Variants in KCNIP4 observed in about 807,000 individuals in gnomAD.
The protein encoded by KCNIP4 is Kv channel-interacting protein 4.
In KCNIP4, 12 loss-of-function variants were observed where a neutral mutation model predicts 34.0. The ratio of observed to expected loss-of-function variants is 0.35; its 90% CI spans 0.23 to 0.57. The LOEUF (loss-of-function observed/expected upper bound fraction) is 0.57. KCNIP4 is among the 20% of genes least tolerant of loss of function. The probability of loss-of-function intolerance (pLI) is 0.83; values close to 1 mark genes in which losing one functional copy is unlikely to be tolerated. For synonymous variants in KCNIP4, 124 were observed against 102.2 expected (o/e 1.21, Z -1.29); for missense variants, 238 against 311.7 (o/e 0.76, Z 1.78).
chr4:21,130,407 T>C (rs1750974278), intron 1 of KCNIP4, among the ~76,000 whole-genome samples: 1 of 152,198 alleles, frequency 6.6e-6, no homozygotes, highest in Non-Finnish European at 1.5e-5. Flanking sequence ...TCCTAGCCAT[T>C]CTTCAAAATG....
At chr4:20,779,720 A>G (rs1045825068) in intron 3 of KCNIP4, among the ~76,000 whole-genome samples, 33 of 152,260 alleles carry the variant, frequency 2.2e-4, no homozygotes, top group African/African-American at 7.0e-4. Flanking sequence ...GGAGAGAGGC[A>G]GAGAGATGTG....
At chr4:21,771,736 G>C (rs187275535) in intron 1 of KCNIP4, among the ~76,000 whole-genome samples, 9 of 152,192 alleles carry the variant, frequency 5.9e-5, no homozygotes, top group African/African-American at 2.2e-4. Context: ...CTTGCCTATT[G>C]TTGGTGTAAA....
chr4:20,734,417 G>GTGTA (rs1749087592), intron 6 of KCNIP4, among the ~76,000 whole-genome samples: 1 of 152,110 alleles, frequency 6.6e-6, no homozygotes, highest in Admixed American at 6.6e-5. Flanking sequence ...GGAAACAAGG[G>GTGTA]TGTAATCTTT....
At chr4:21,356,901 A>C (rs1312967867) in intron 1 of KCNIP4, among the ~76,000 whole-genome samples, 2 of 152,218 alleles carry the variant, frequency 1.3e-5, no homozygotes, top group African/African-American at 4.8e-5. Flanking sequence ...GCATCACGCT[A>C]CCTGACTTCA....
Position 21,346,079 on chromosome 4 carries a change from T to TA in KCNIP4, c.62-463371_62-463370insT, listed in dbSNP as rs1247258720. On this transcript the variant is annotated intron_variant, in intron 1 of 8. Transcript: ENST00000382152. ...CAACTCGGGCAGTGTAATATATATA[T>TA]TTAAGATATTTAAGATATCTTAAAT... Among the ~76,000 whole-genome samples the TA allele has an allele frequency of 6.2e-3, 800 of 128,200 alleles. 12 individuals carry two copies. The highest frequency in any genetic ancestry group is 0.018 in the East Asian group (63 of 3,570). 84.1% of individuals were successfully genotyped at this position (128,200 alleles called of 152,430 possible). A position where few individuals can be genotyped will look rare whatever the true frequency, so the allele number is the denominator to read the frequency against.
At chr4:21,044,948 T>C (rs1441729317) in intron 1 of KCNIP4, among the ~76,000 whole-genome samples, 1 of 152,192 alleles carries the variant, frequency 6.6e-6, no homozygotes, top group Non-Finnish European at 1.5e-5. Flanking sequence ...AATGCATGCT[T>C]CTTTGGTTTG....
At chr4:21,618,622 T>C (rs1267698607) in intron 1 of KCNIP4, among the ~76,000 whole-genome samples, 1 of 126,104 alleles carries the variant, frequency 7.9e-6, no homozygotes, top group Non-Finnish European at 1.6e-5. Context: ...CTTTTTCTTT[T>C]TCTTTTTCTT....
chr4:21,087,146 A>ATTG (rs1553935810), intron 1 of KCNIP4, among the ~76,000 whole-genome samples: 1 of 110,924 alleles, frequency 9.0e-6, no homozygotes, highest in Non-Finnish European at 1.8e-5. Context: ...CTGCTGGGTA[A>ATTG]TGTGTGTGTG....
chr4:21,731,523 T>C (rs1277586798), intron 1 of KCNIP4, among the ~76,000 whole-genome samples: 1 of 152,188 alleles, frequency 6.6e-6, no homozygotes, highest in Non-Finnish European at 1.5e-5. Context: ...GCAAACAATA[T>C]GCCAGAAATC....
intron 1 of KCNIP4, among the ~76,000 whole-genome samples, chr4:21,772,242 T>C (rs4550913): frequency 0.018 from 2,724 of 152,328 alleles, 75 homozygotes; most frequent in African/African-American, 0.061. Flanking sequence ...TTTGCTTATG[T>C]TGAACCAGCC....
chr4:21,729,982 T>C (rs1223040036), intron 1 of KCNIP4: 1 of 132,084 alleles, frequency 7.6e-6, no homozygotes, highest in Non-Finnish European at 1.6e-5. Context: ...CTTCCCAATA[T>C]CACTGTTCAA....
intron 1 of KCNIP4, among the ~76,000 whole-genome samples, chr4:21,194,810 C>T (rs2109358097): frequency 6.6e-6 from 1 of 152,302 alleles, no homozygotes; most frequent in Non-Finnish European, 1.5e-5. Flanking sequence ...ACAGCGAACC[C>T]TGCTGCAATT....
intron 3 of KCNIP4, among the ~76,000 whole-genome samples, chr4:20,804,028 A>C (rs1714753550): frequency 6.6e-6 from 1 of 152,142 alleles, no homozygotes; most frequent in Non-Finnish European, 1.5e-5. Flanking sequence ...AAATGATATA[A>C]ATTCAGTAAA....
chr4:21,593,157 A>T (rs1742359002), intron 1 of KCNIP4, among the ~76,000 whole-genome samples: 1 of 149,162 alleles, frequency 6.7e-6, no homozygotes, highest in African/African-American at 2.5e-5. Context: ...TTCTTAACAG[A>T]GTGAAAAAAA....
At chr4:21,067,372 G>A (rs1036475821) in intron 1 of KCNIP4, among the ~76,000 whole-genome samples, 3 of 152,024 alleles carry the variant, frequency 2.0e-5, no homozygotes, top group Non-Finnish European at 1.5e-5. Context: ...CTGAGGAAGG[G>A]AGAGGAAAGA....
At chr4:21,296,036 G>C (rs1181143881) in intron 1 of KCNIP4, among the ~76,000 whole-genome samples, 1 of 152,124 alleles carries the variant, frequency 6.6e-6, no homozygotes, top group East Asian at 1.9e-4. Context: ...CAAGAATGGA[G>C]GCTTTATCTG....
intron 1 of KCNIP4, among the ~76,000 whole-genome samples, chr4:20,918,809 CTCAA>C (rs1262834997): frequency 6.6e-6 from 1 of 152,172 alleles, no homozygotes; most frequent in African/African-American, 2.4e-5. Context: ...TGAGTCCAGA[CTCAA>C]TCCAAATATC....
At chr4:21,138,242 T>G (rs957782065) in intron 1 of KCNIP4, among the ~76,000 whole-genome samples, 1 of 152,202 alleles carries the variant, frequency 6.6e-6, no homozygotes, top group Non-Finnish European at 1.5e-5. Context: ...CTCTGTGCCC[T>G]AAGGATCCCA....
At chr4:21,156,978 C>G (rs1184916117) in intron 1 of KCNIP4, among the ~76,000 whole-genome samples, 1 of 152,028 alleles carries the variant, frequency 6.6e-6, no homozygotes, top group Admixed American at 6.6e-5. Flanking sequence ...TGATAATTCC[C>G]CCCAAGCTTT....
Sources: allele counts gnomAD v4.1 joint callset (sites outside exome capture counted in the v4.1 genomes callset), GRCh38; gene constraint gnomAD v4.1.1; transcripts MANE v1.5; gene names NCBI Gene and HGNC (gene_info 2026-07-23, HGNC 2026-07-21).